The following SLIT3 variants were observed in gnomAD, a reference collection of about 807,000 sequenced individuals.
The protein encoded by SLIT3 is slit homolog 3 protein.
SLIT3 carries 68 observed loss-of-function variants against 184.0 expected under a neutral mutation model. The observed-to-expected ratio is 0.37, with a 90% CI of 0.30 to 0.45. SLIT3 has a LOEUF of 0.45. SLIT3 is among the 20% of genes least tolerant of loss of function. SLIT3 has a pLI of 1.00. For missense variants in SLIT3, 1,707 were observed against 2,026.0 expected (o/e 0.84, Z 3.02); for synonymous variants, 831 against 828.6 (o/e 1.00, Z -0.05).
chr5:168,934,140 T>C (rs1251937381), intron 4 of SLIT3, among the ~76,000 whole-genome samples: 1 of 152,182 alleles, frequency 6.6e-6, no homozygotes, highest in East Asian at 1.9e-4. Context: ...AGCTTTATTG[T>C]CCTCTAAAGA....
At chr5:168,875,143 G>A (rs1759684234) in intron 5 of SLIT3, among the ~76,000 whole-genome samples, 1 of 145,416 alleles carries the variant, frequency 6.9e-6, no homozygotes, top group African/African-American at 2.5e-5. Context: ...ATGAGAGGGA[G>A]GAAGGAGGGA....
At chr5:169,271,426 A>G (rs1440813043) in intron 1 of SLIT3, among the ~76,000 whole-genome samples, 2 of 152,110 alleles carry the variant, frequency 1.3e-5, no homozygotes, top group Non-Finnish European at 2.9e-5. Flanking sequence ...GGCTATTTTA[A>G]GCTCAAATTA....
At chr5:169,064,236 G>A (rs1758272713) in intron 4 of SLIT3, among the ~76,000 whole-genome samples, 1 of 152,190 alleles carries the variant, frequency 6.6e-6, no homozygotes, top group South Asian at 2.1e-4. Context: ...GAAGTCGGGA[G>A]GGGAGGCAAG....
chr5:168,901,083 C>T (rs896052975), intron 4 of SLIT3, among the ~76,000 whole-genome samples: 1 of 152,180 alleles, frequency 6.6e-6, no homozygotes, highest in Non-Finnish European at 1.5e-5. Context: ...AAATTGCAGG[C>T]CAGGCACAGT....
chr5:169,030,672 C>G (rs377399636), intron 4 of SLIT3, among the ~76,000 whole-genome samples: 1 of 152,334 alleles, frequency 6.6e-6, no homozygotes, highest in East Asian at 1.9e-4. Context: ...CTGTGTAACT[C>G]AGGCTCAAAT....
intron 6 of SLIT3, among the ~76,000 whole-genome samples, chr5:168,834,497 G>A (rs74436928): frequency 0.047 from 7,131 of 151,544 alleles, 556 homozygotes; most frequent in African/African-American, 0.16. Context: ...TTTGAGACCG[G>A]GGGGTCCAAC....
intron 1 of SLIT3, chr5:169,263,569 T>C: frequency 2.2e-6 from 1 of 453,544 alleles, no homozygotes; most frequent in Non-Finnish European, 4.4e-6. Context: ...GAAAGGATGA[T>C]TGCTGTTGTA....
chr5:169,004,269 C>T (rs931112234), intron 4 of SLIT3, among the ~76,000 whole-genome samples: 4 of 152,042 alleles, frequency 2.6e-5, no homozygotes. Context: ...TTCGGGAGTC[C>T]CTGCTGGGTT....
At chr5:168,831,283 G>A (rs577298224) in intron 6 of SLIT3, among the ~76,000 whole-genome samples, 2 of 151,944 alleles carry the variant, frequency 1.3e-5, no homozygotes, top group East Asian at 1.9e-4. Flanking sequence ...CATATGAGGC[G>A]GGAGGAGTGA....
intron 3 of SLIT3, among the ~76,000 whole-genome samples, chr5:169,218,694 T>A (rs1000369785): frequency 2.0e-5 from 3 of 152,232 alleles, no homozygotes; most frequent in Admixed American, 6.5e-5. Flanking sequence ...CACTGGGTAG[T>A]TCTGAGTCTT....
intron 32 of SLIT3, among the ~76,000 whole-genome samples, chr5:168,674,523 A>C: frequency 1.6e-5 from 2 of 126,542 alleles, no homozygotes; most frequent in Admixed American, 1.0e-4. Flanking sequence ...ATGGAGTCTC[A>C]CTCTGTCGCC....
chr5:169,117,325 G>A, intron 4 of SLIT3, among the ~76,000 whole-genome samples: 1 of 152,172 alleles, frequency 6.6e-6, no homozygotes, highest in Non-Finnish European at 1.5e-5. Flanking sequence ...GGAAGTGAGT[G>A]AGCAAAGATC....
At chr5:169,100,383 G>C (rs538841754) in intron 4 of SLIT3, among the ~76,000 whole-genome samples, 1 of 152,146 alleles carries the variant, frequency 6.6e-6, no homozygotes, top group African/African-American at 2.4e-5. Context: ...ATGAGGCTTC[G>C]TTTACCTATT....
chr5:169,064,724 A>G (rs892152634), intron 4 of SLIT3, among the ~76,000 whole-genome samples: 7 of 152,210 alleles, frequency 4.6e-5, no homozygotes, highest in South Asian at 2.1e-4. Context: ...CTGTCCCGAG[A>G]CACTGGATTT....
intron 26 of SLIT3, 84 bp downstream of exon 26, chr5:168,707,892 G>T (rs545345968): frequency 5.8e-6 from 9 of 1,545,124 alleles, no homozygotes; most frequent in Non-Finnish European, 8.0e-6. Context: ...GGGAGGGTAC[G>T]CAGGGCATGG....
chr5:168,990,371 G>A (rs879812647), intron 4 of SLIT3, among the ~76,000 whole-genome samples: 8 of 152,174 alleles, frequency 5.3e-5, no homozygotes, highest in Non-Finnish European at 7.3e-5. Flanking sequence ...AATGCTAAAC[G>A]TTTGTTTGTT....
At chr5:169,004,243 G>A (rs940064526) in intron 4 of SLIT3, among the ~76,000 whole-genome samples, 3 of 152,110 alleles carry the variant, frequency 2.0e-5, no homozygotes, top group Non-Finnish European at 4.4e-5. Context: ...AAATAAAAGT[G>A]GATGGGAATG....
At chr5:168,732,481 A>G (rs1417658759) in intron 20 of SLIT3, among the ~76,000 whole-genome samples, 2 of 152,128 alleles carry the variant, frequency 1.3e-5, no homozygotes, top group Non-Finnish European at 2.9e-5. Flanking sequence ...CCTAAAATTC[A>G]TATTCATAAT....
chr5:169,014,536 GAC>G (rs1421761235), intron 4 of SLIT3, among the ~76,000 whole-genome samples: 3 of 152,178 alleles, frequency 2.0e-5, no homozygotes, highest in Non-Finnish European at 4.4e-5. Context: ...CCTCCACACA[GAC>G]ACACACACTT....
Sources: allele counts gnomAD v4.1 joint callset (sites outside exome capture counted in the v4.1 genomes callset), GRCh38; gene constraint gnomAD v4.1.1; transcripts MANE v1.5; gene names NCBI Gene and HGNC (gene_info 2026-07-23, HGNC 2026-07-21).